The following PACSIN2 variants were observed in gnomAD, a reference collection of about 807,000 sequenced individuals.
PACSIN2 encodes the protein protein kinase C and casein kinase substrate in neurons protein 2.
In PACSIN2, 25 loss-of-function variants were observed where a neutral mutation model predicts 63.8. The ratio of observed to expected loss-of-function variants is 0.39; its 90% CI spans 0.29 to 0.55. The LOEUF (loss-of-function observed/expected upper bound fraction) is 0.55, where lower values mean the gene tolerates loss of function less well. PACSIN2 is among the 20% of genes least tolerant of loss of function. PACSIN2 has a pLI of 0.62. For synonymous variants in PACSIN2, 255 were observed against 256.2 expected (o/e 1.00, Z 0.05); for missense variants, 518 against 646.9 (o/e 0.80, Z 2.16).
intron 2 of PACSIN2, among the ~76,000 whole-genome samples, chr22:42,897,573 T>TC (rs1263894345): frequency 2.0e-5 from 3 of 152,178 alleles, no homozygotes; most frequent in African/African-American, 7.2e-5. Flanking sequence ...TCCTCTAAAT[T>TC]CAGGCTCACT....
At chr22:42,918,854 G>A (rs1931978984) in intron 1 of PACSIN2, among the ~76,000 whole-genome samples, 1 of 152,130 alleles carries the variant, frequency 6.6e-6, no homozygotes, top group Admixed American at 6.6e-5. Flanking sequence ...ACACACACAT[G>A]TCCTTAACCA....
intron 7 of PACSIN2, among the ~76,000 whole-genome samples, chr22:42,880,886 C>T (rs1355640895): frequency 1.3e-5 from 2 of 152,184 alleles, no homozygotes; most frequent in Non-Finnish European, 1.5e-5. Context: ...TGTGCCACTC[C>T]GGGAGCAGCA....
chr22:42,893,356 A>C, intron 3 of PACSIN2, 101 bp downstream of exon 3: 1 of 1,271,210 alleles, frequency 7.9e-7, no homozygotes. Context: ...CCCAATCTTA[A>C]AAGACAGAAA....
At chr22:42,934,937 A>G (rs1336512460) in intron 1 of PACSIN2, among the ~76,000 whole-genome samples, 2 of 149,078 alleles carry the variant, frequency 1.3e-5, no homozygotes, top group Non-Finnish European at 3.0e-5. Flanking sequence ...TTTTTTTGAG[A>G]CAGAGTTTCG....
intron 1 of PACSIN2, among the ~76,000 whole-genome samples, chr22:42,954,322 G>A (rs1272221031): frequency 1.3e-5 from 2 of 152,202 alleles, no homozygotes; most frequent in African/African-American, 2.4e-5. Flanking sequence ...ACAGCCCATT[G>A]AGCCTCTAGT....
chr22:42,913,380 G>C (rs771479321), intron 1 of PACSIN2, among the ~76,000 whole-genome samples: 74 of 151,916 alleles, frequency 4.9e-4, no homozygotes, highest in Non-Finnish European at 8.4e-4. Flanking sequence ...TCAGGAGGCT[G>C]AGGCAGGAGA....
chr22:42,933,869 G>T (rs529699642), intron 1 of PACSIN2, among the ~76,000 whole-genome samples: 79 of 152,360 alleles, frequency 5.2e-4, no homozygotes, highest in African/African-American at 1.8e-3. Flanking sequence ...TGAAGTGTGT[G>T]AAAGTATGAA....
At chr22:42,975,796 T>C (rs1921662587) in intron 1 of PACSIN2, among the ~76,000 whole-genome samples, 1 of 152,164 alleles carries the variant, frequency 6.6e-6, no homozygotes, top group Non-Finnish European at 1.5e-5. Context: ...AGGCATTTAT[T>C]AGTATGTTCC....
At chr22:42,931,496 T>C (rs978777174) in intron 1 of PACSIN2, among the ~76,000 whole-genome samples, 5 of 151,298 alleles carry the variant, frequency 3.3e-5, no homozygotes, top group Non-Finnish European at 5.9e-5. Flanking sequence ...AGACCTTAGG[T>C]GATGGGAAGG....
rs2146664485 is a variant in PACSIN2, at chr22:42,888,792, C to T, written c.460G>A (p.Ala154Thr). Residue 154 changes from alanine (A) to threonine (T), a missense_variant, in exon 5 of 11, where the codon GCA (alanine) becomes ACA (threonine). Ala to Thr is a moderately conservative substitution (Grantham distance 58). Coordinates refer to ENST00000263246, the MANE Select transcript of PACSIN2 (RefSeq NM_001184970.3). ...GCTGCATGGTGGGCTTTCTTTGCTG[C>T]TTCTACCTACAGGGAGAATGAGTTC... Reference protein sequence around the residue: ...PWAKKLKEVEAAKKAHHAACK... With the variant: ...PWAKKLKEVETAKKAHHAACK... 6.2e-7 allele frequency: 1 copy of T among 1,614,160 alleles called. No homozygotes were observed. Among genetic ancestry groups the T allele is most frequent in the Non-Finnish European group, 8.5e-7 (1 of 1,180,014 alleles).
At chr22:42,971,329 T>C (rs1002233135) in intron 1 of PACSIN2, among the ~76,000 whole-genome samples, 8 of 152,206 alleles carry the variant, frequency 5.3e-5, no homozygotes, top group Non-Finnish European at 1.0e-4. Context: ...GCAAGTGATC[T>C]GCCCGCCTCA....
At chr22:42,932,505 C>A (rs1321398944) in intron 1 of PACSIN2, among the ~76,000 whole-genome samples, 1 of 152,052 alleles carries the variant, frequency 6.6e-6, no homozygotes, top group Non-Finnish European at 1.5e-5. Flanking sequence ...AAACTGACAG[C>A]GACACACTTG....
intron 2 of PACSIN2, 99 bp downstream of exon 2, chr22:42,911,922 G>A (rs1446872680): frequency 4.9e-6 from 4 of 808,548 alleles, no homozygotes; most frequent in South Asian, 1.5e-5. Context: ...TTGGGGGTAT[G>A]TTCACCTCAG....
chr22:43,013,731 C>A (rs1008803020), intron 1 of PACSIN2, among the ~76,000 whole-genome samples: 23 of 152,334 alleles, frequency 1.5e-4, no homozygotes, highest in Middle Eastern at 3.4e-3. Flanking sequence ...GTGAGCTCAC[C>A]ATCTGCAGCT....
At chr22:42,935,780 A>G (rs531642681) in intron 1 of PACSIN2, among the ~76,000 whole-genome samples, 3 of 152,224 alleles carry the variant, frequency 2.0e-5, no homozygotes, top group African/African-American at 7.2e-5. Flanking sequence ...GCACCCTCAG[A>G]CAGCATGAGA....
intron 1 of PACSIN2, among the ~76,000 whole-genome samples, chr22:42,960,944 A>C (rs752548169): frequency 6.6e-6 from 1 of 152,236 alleles, no homozygotes; most frequent in Non-Finnish European, 1.5e-5. Context: ...ACAGACAGGA[A>C]ACAAATATTT....
At chr22:43,004,325 G>A (rs1923952760) in intron 1 of PACSIN2, among the ~76,000 whole-genome samples, 1 of 152,314 alleles carries the variant, frequency 6.6e-6, no homozygotes. Context: ...TCAGAACATG[G>A]GGGCCTGTGC....
chr22:42,904,698 C>T lies in PACSIN2; in HGVS notation c.60+7323G>A, dbSNP rs551081557. ...CACCTCCTTCCGTTCCCTCCTCTTC[C>T]CAGTTTGGTGCTTCCACAGCCCCCC... On this transcript the variant is annotated intron_variant, in intron 2 of 10. Coordinates refer to ENST00000263246, the MANE Select transcript of PACSIN2 (RefSeq NM_001184970.3). 7.3e-5 allele frequency among the ~76,000 whole-genome samples: 10 copies of T among 136,348 alleles called. No homozygotes were observed. In the East Asian group the frequency reaches 1.6e-3, roughly 21 times the overall value. 89.4% of individuals were successfully genotyped at this position (136,348 alleles called of 152,430 possible).
At chr22:42,987,585 G>C (rs999720609) in intron 1 of PACSIN2, among the ~76,000 whole-genome samples, 19 of 123,952 alleles carry the variant, frequency 1.5e-4, no homozygotes, top group African/African-American at 5.8e-4. Context: ...AGGCTGGAGT[G>C]CAGTGGTGCA....
Sources: gnomAD v4.1 joint callset for allele counts (sites outside exome capture counted in the v4.1 genomes callset) on GRCh38, gnomAD v4.1.1 for gene constraint, MANE v1.5 for transcripts, NCBI Gene and HGNC (gene_info 2026-07-23, HGNC 2026-07-21) for gene names.